The following SSU72 variants were observed in gnomAD, a reference collection of about 807,000 sequenced individuals.
The protein encoded by SSU72 is RNA polymerase II subunit A C-terminal domain phosphatase SSU72.
Under a neutral mutation model 22.7 loss-of-function variants are expected in SSU72, and 12 were observed. The observed-to-expected ratio is 0.53, with a 90% CI of 0.34 to 0.86. SSU72 has a LOEUF of 0.86. Among genes scored for constraint, SSU72 ranks in the 40% least tolerant of loss-of-function variants. The probability of loss-of-function intolerance (pLI) is 0.02; values close to 1 mark genes in which losing one functional copy is unlikely to be tolerated. For missense variants in SSU72, 151 were observed against 249.8 expected, an observed-to-expected ratio of 0.60 and a Z score of 2.67; for synonymous variants, 116 against 98.3, an observed-to-expected ratio of 1.18 and a Z score of -1.06.
At chr1:1,553,569 A>G (rs1375573156) in intron 2 of SSU72, among the ~76,000 whole-genome samples, 2 of 150,048 alleles carry the variant, frequency 1.3e-5, no homozygotes, top group Non-Finnish European at 3.0e-5. Flanking sequence ...AGGTCAGGAG[A>G]TCGAGACCAT....
chr1:1,564,229 G>A lies in SSU72; in HGVS notation c.224+544C>T, dbSNP rs1226076698. 5 of 344,606 alleles carry A rather than the reference G, an allele frequency of 1.5e-5. No individual in the cohort carries two copies. The South Asian group carries it at 2.7e-4, about 19-fold the overall frequency. 21.3% of individuals were successfully genotyped at this position (344,606 alleles called of 1,614,324 possible). A position where few individuals can be genotyped will look rare whatever the true frequency, so the allele number is the denominator to read the frequency against. On this transcript the variant is annotated intron_variant, in intron 2 of 4. Coordinates refer to ENST00000291386, the MANE Select transcript of SSU72 (RefSeq NM_014188.3). ...CTCTTCTCTCTATAGGAGTCTTCGC[G>A]GCAGACCTAGCCTGCTCTGTGTCCT...
At chr1:1,570,846 T>C (rs566386711) in intron 1 of SSU72, among the ~76,000 whole-genome samples, 2 of 152,174 alleles carry the variant, frequency 1.3e-5, no homozygotes, top group South Asian at 4.1e-4. Flanking sequence ...GCGTGGTGGC[T>C]CACGCCTGTA....
chr1:1,568,554 C>T (rs996385197), intron 1 of SSU72, among the ~76,000 whole-genome samples: 4 of 151,364 alleles, frequency 2.6e-5, no homozygotes, highest in Non-Finnish European at 4.4e-5. Context: ...CAGTGGGCCC[C>T]GTGATGGTGC....
At chr1:1,565,037 T>C (rs1342705098) in intron 1 of SSU72, 121 bp from the exon 2 acceptor site, 3 of 1,348,260 alleles carry the variant, frequency 2.2e-6, no homozygotes, top group Non-Finnish European at 2.0e-6. Flanking sequence ...GTAGAGAATA[T>C]GTCTTCAAAT....
chr1:1,571,107 T>C (rs1642724803), intron 1 of SSU72, among the ~76,000 whole-genome samples: 1 of 151,490 alleles, frequency 6.6e-6, no homozygotes, highest in South Asian at 2.1e-4. Flanking sequence ...TAGCCGGGCG[T>C]GGTAGCGGGT....
At position 1,574,742 on chromosome 1, in the gene SSU72, G is replaced by T; in HGVS notation, c.-185C>A. Reference sequence around the variant, plus strand: ...CCACCCTGGGCGCCGGGCCGCGGACGGAGCGCAGGCACTGGCCTTCGGGCG... The same window carrying T: ...CCACCCTGGGCGCCGGGCCGCGGACTGAGCGCAGGCACTGGCCTTCGGGCG... On this transcript the variant is annotated 5_prime_UTR_variant, in exon 1 of 5. Transcript: ENST00000291386. The T allele has an allele frequency of 2.5e-6, 1 of 403,474 alleles. No individual in the cohort carries two copies. The highest frequency in any genetic ancestry group is 4.1e-6 in the Non-Finnish European group (1 of 245,650). The allele number at this position is 403,474 out of a possible 1,614,324, so 25.0% of individuals were successfully genotyped here.
At chr1:1,544,324 G>C (rs540889834) in intron 3 of SSU72, among the ~76,000 whole-genome samples, 1 of 152,122 alleles carries the variant, frequency 6.6e-6, no homozygotes, top group African/African-American at 2.4e-5. Flanking sequence ...GGGTCCATCC[G>C]CTTGAAAAAT....
chr1:1,564,700 T>C, intron 2 of SSU72, 73 bp downstream of exon 2: 1 of 1,614,156 alleles, frequency 6.2e-7, no homozygotes, highest in Non-Finnish European at 8.5e-7. Context: ...ACGCCTCCTG[T>C]GCCCGAGCCA....
Position 1,573,577 on chromosome 1 carries a change from AG to A in SSU72, c.80+900del, listed in dbSNP as rs766376378. 6.3e-4 allele frequency among the ~76,000 whole-genome samples: 96 copies of A among 152,152 alleles called. 1 individual carries two copies. Among genetic ancestry groups the A allele is most frequent in the Admixed American group, 3.2e-3 (49 of 15,272 alleles). On this transcript the variant is annotated intron_variant, in intron 1 of 4. Transcript: ENST00000291386. ...TGATCCGCGTGCGTCGGCCTCCCAA[AG>A]TGCGGGGACTACACGCGTGAGCCAC...
At chr1:1,544,030 C>A in intron 3 of SSU72, 43 bp from the exon 4 acceptor site, 1 of 1,489,914 alleles carries the variant, frequency 6.7e-7, no homozygotes, top group South Asian at 1.2e-5. Context: ...GCTCCAAAAC[C>A]AGGGAACAGG....
At position 1,543,967 on chromosome 1, in the gene SSU72, C is replaced by G; in HGVS notation, c.385G>C (p.Glu129Gln). 1 of 1,613,834 alleles carries G rather than the reference C, an allele frequency of 6.2e-7. No individual in the cohort carries two copies. The highest frequency in any genetic ancestry group is 8.5e-7 in the Non-Finnish European group (1 of 1,179,890). ...ACCACGTGCACAGGCTGGCAGGTCT[C>G]CTGTTCTCTGGAATTCAGATCTGAT... The part of the protein sequence containing the change: ...VVEDLNSREQ[E>Q]TCQPVHVVNV... The change falls in exon 4 of 5, where the codon GAG becomes CAG. Residue 129 changes from glutamate (E) to glutamine (Q), a missense_variant. Glu to Gln is a conservative substitution (Grantham distance 29). Coordinates refer to ENST00000291386, the MANE Select transcript of SSU72 (RefSeq NM_014188.3).
chr1:1,542,223 C>A lies in SSU72; in HGVS notation c.484-56G>T. The A allele has an allele frequency of 6.6e-7, 1 of 1,511,726 alleles. No homozygotes were observed. The highest frequency in any genetic ancestry group is 9.0e-7 in the Non-Finnish European group (1 of 1,111,152). The allele number at this position is 1,511,726 out of a possible 1,614,324, so 93.6% of individuals were successfully genotyped here. The stretch of plus-strand genomic sequence containing the variant: ...GCCCACTCCTGCCTGTCTGCTCCCC[C>A]TAACACCTGGATCGCCAGGGAAACG... On this transcript the variant is annotated intron_variant, in intron 4 of 4. Transcript: ENST00000291386. The surrounding 1 kb of genome is among the most constrained non-coding windows in gnomAD (Gnocchi z 4.4).
At chr1:1,560,309 C>G (rs575123648) in intron 2 of SSU72, among the ~76,000 whole-genome samples, 6 of 152,258 alleles carry the variant, frequency 3.9e-5, no homozygotes, top group Admixed American at 6.5e-5. Context: ...CCACACCCAC[C>G]ACATCTGTGT....
intron 1 of SSU72, among the ~76,000 whole-genome samples, chr1:1,567,683 G>A (rs1298773969): frequency 6.6e-6 from 1 of 152,000 alleles, no homozygotes; most frequent in Non-Finnish European, 1.5e-5. Context: ...AACAAGGGCC[G>A]GACGCGGTGG....
intron 1 of SSU72, 137 bp downstream of exon 1, chr1:1,574,341 T>C: frequency 1.1e-6 from 1 of 890,736 alleles, no homozygotes; most frequent in Non-Finnish European, 1.7e-6. Flanking sequence ...CCAGCTGCCA[T>C]CCCAACCAGC....
intron 2 of SSU72, chr1:1,562,676 A>ACAGGGACCTCGCACAAAGG (rs1642609347): frequency 1.3e-5 from 2 of 152,336 alleles, no homozygotes; most frequent in Non-Finnish European, 2.9e-5. Flanking sequence ...GACAGCATGG[A>ACAGGGACCTCGCACAAAGG]CAGGGACCTC....
At chr1:1,558,549 C>CA (rs1193449166) in intron 2 of SSU72, among the ~76,000 whole-genome samples, 18 of 152,218 alleles carry the variant, frequency 1.2e-4, no homozygotes, top group Admixed American at 1.2e-3. Flanking sequence ...GGACAACAGT[C>CA]ACATTAACAT....
chr1:1,571,012 C>G (rs1050077938), intron 1 of SSU72, among the ~76,000 whole-genome samples: 4 of 151,908 alleles, frequency 2.6e-5, no homozygotes, highest in Admixed American at 1.3e-4. Flanking sequence ...TTTGGGAGGC[C>G]GAGGCGGGCG....
chr1:1,562,977 A>G (rs553680640), intron 2 of SSU72: 1 of 152,550 alleles, frequency 6.6e-6, no homozygotes, highest in East Asian at 1.9e-4. Flanking sequence ...CCACCGCGTC[A>G]CAAGCACCAC....
Sources: gnomAD v4.1 joint callset for allele counts (sites outside exome capture counted in the v4.1 genomes callset) on GRCh38, gnomAD v4.1.1 for gene constraint, Gnocchi (gnomAD v3.1) non-coding constraint, MANE v1.5 for transcripts, NCBI Gene and HGNC (gene_info 2026-07-23, HGNC 2026-07-21) for gene names.